MYO9A: variants seen among roughly 807,000 people sequenced by gnomAD.
MYO9A encodes the protein unconventional myosin-IXa.
In MYO9A, 103 loss-of-function variants were observed where a neutral mutation model predicts 293.3. The ratio of observed to expected loss-of-function variants is 0.35; its 90% CI spans 0.30 to 0.41. The LOEUF is 0.41. Among genes scored for constraint, MYO9A ranks in the 10% least tolerant of loss-of-function variants. The probability of loss-of-function intolerance (pLI) is 1.00; values close to 1 mark genes in which losing one functional copy is unlikely to be tolerated. For synonymous variants in MYO9A, 1,001 were observed against 1,035.7 expected (o/e 0.97, Z 0.64); for missense variants, 2,685 against 3,033.0 (o/e 0.89, Z 2.69).
intron 11 of MYO9A, among the ~76,000 whole-genome samples, chr15:71,979,153 T>A (rs1043102129): frequency 6.6e-6 from 1 of 152,152 alleles, no homozygotes; most frequent in Non-Finnish European, 1.5e-5. Context: ...TGAAATTCCA[T>A]CATTCTTTCT....
intron 19 of MYO9A, among the ~76,000 whole-genome samples, chr15:71,907,122 T>G (rs868443610): frequency 6.9e-5 from 9 of 130,370 alleles, no homozygotes; most frequent in Non-Finnish European, 1.3e-4. Context: ...GTCCCCAGAC[T>G]GTGATGTTCC....
At chr15:71,979,305 A>G (rs1204637790) in intron 11 of MYO9A, among the ~76,000 whole-genome samples, 1 of 152,092 alleles carries the variant, frequency 6.6e-6, no homozygotes, top group Non-Finnish European at 1.5e-5. Context: ...TCACTCCCCA[A>G]TGGCAGTAAG....
At chr15:71,962,958 A>C (rs1053396506) in intron 13 of MYO9A, among the ~76,000 whole-genome samples, 3 of 152,170 alleles carry the variant, frequency 2.0e-5, no homozygotes, top group Non-Finnish European at 4.4e-5. Context: ...ATCTCTCTCT[A>C]GTTTCCACAA....
chr15:72,021,100 A>G, intron 4 of MYO9A, 83 bp from the exon 5 acceptor site: 1 of 778,476 alleles, frequency 1.3e-6, no homozygotes, highest in Non-Finnish European at 2.0e-6. Flanking sequence ...AGCAAACAGT[A>G]ATTAGTAAAA....
chr15:71,903,820 AG>A, intron 21 of MYO9A, 108 bp downstream of exon 21: 3 of 928,474 alleles, frequency 3.2e-6, no homozygotes, highest in Non-Finnish European at 4.9e-6. Context: ...TGAAATGGAA[AG>A]GAAGAATTAA....
chr15:72,042,609 T>C (rs1402041476), intron 2 of MYO9A, among the ~76,000 whole-genome samples: 1 of 151,336 alleles, frequency 6.6e-6, no homozygotes, highest in East Asian at 1.9e-4. Flanking sequence ...GAGACAAGGA[T>C]GTTGCTTTCA....
chr15:71,966,913 C>A (rs1258499488), intron 13 of MYO9A, among the ~76,000 whole-genome samples: 1 of 152,118 alleles, frequency 6.6e-6, no homozygotes, highest in East Asian at 1.9e-4. Context: ...TAAATAATAA[C>A]CCCCTGTCTA....
intron 14 of MYO9A, chr15:71,959,483 T>G (rs1444523754): frequency 5.7e-6 from 1 of 174,778 alleles, no homozygotes; most frequent in Non-Finnish European, 1.2e-5. Context: ...AACAATAGTT[T>G]GGTTTCCAGT....
chr15:71,985,917 A>G (rs1330849830), intron 11 of MYO9A, among the ~76,000 whole-genome samples: 1 of 152,224 alleles, frequency 6.6e-6, no homozygotes, highest in East Asian at 1.9e-4. Context: ...TAAATTTTCT[A>G]TCTTCTATGC....
intron 1 of MYO9A, among the ~76,000 whole-genome samples, chr15:72,079,926 T>C (rs1448602153): frequency 1.3e-5 from 2 of 152,182 alleles, no homozygotes; most frequent in African/African-American, 4.8e-5. Context: ...AAAAAAGTAT[T>C]TAAAAGTTTA....
In MYO9A at chr15:72,027,599, G is replaced by A; in HGVS notation, c.998+132C>T. ...AAACTGCAAAGTTCTGCCCATGACA[G>A]AAATAGCAATTATGCATAAAGCTAT... On this transcript the variant is annotated intron_variant, in intron 4 of 41. Transcript: ENST00000356056. The A allele has an allele frequency of 4.5e-6, 3 of 667,964 alleles. No individual in the cohort carries two copies. The East Asian group carries it at 8.4e-5, about 19-fold the overall frequency. 41.4% of individuals were successfully genotyped at this position (667,964 alleles called of 1,614,324 possible). A position where few individuals can be genotyped will look rare whatever the true frequency, so the allele number is the denominator to read the frequency against.
intron 1 of MYO9A, among the ~76,000 whole-genome samples, chr15:72,099,044 C>T (rs534315827): frequency 6.6e-6 from 1 of 152,144 alleles, no homozygotes; most frequent in Non-Finnish European, 1.5e-5. Flanking sequence ...ACCTGTAATT[C>T]CAATACTGGG....
chr15:72,017,177 T>C (rs562275336), intron 6 of MYO9A, among the ~76,000 whole-genome samples: 1 of 152,128 alleles, frequency 6.6e-6, no homozygotes, highest in South Asian at 2.1e-4. Flanking sequence ...TGTATCACTA[T>C]ACCTGGCTTA....
At chr15:72,011,716 A>G (rs944338646) in intron 6 of MYO9A, among the ~76,000 whole-genome samples, 1 of 152,238 alleles carries the variant, frequency 6.6e-6, no homozygotes, top group African/African-American at 2.4e-5. Flanking sequence ...CTTCAAAACA[A>G]TAAGTGAGTC....
At chr15:71,957,641 A>C (rs1054029544) in intron 14 of MYO9A, among the ~76,000 whole-genome samples, 1 of 152,042 alleles carries the variant, frequency 6.6e-6, no homozygotes, top group Non-Finnish European at 1.5e-5. Flanking sequence ...CGCTTCTCCC[A>C]CTTACATAAA....
chr15:71,947,816 C>T (rs1465592084), intron 15 of MYO9A, among the ~76,000 whole-genome samples: 1 of 152,186 alleles, frequency 6.6e-6, no homozygotes, highest in African/African-American at 2.4e-5. Flanking sequence ...CCAAACAGGA[C>T]TGAAGGCCAA....
At chr15:72,027,403 T>C (rs906224313) in intron 4 of MYO9A, among the ~76,000 whole-genome samples, 41 of 152,330 alleles carry the variant, frequency 2.7e-4, no homozygotes, top group Admixed American at 1.8e-3. Flanking sequence ...AAGAGCTTTA[T>C]TGAAAATTTT....
Position 71,830,209 on chromosome 15 carries a change from C to T in MYO9A, c.6940G>A (p.Glu2314Lys), listed in dbSNP as rs1273605278. The change falls in exon 40 of 42, where the codon GAG becomes AAG. Residue 2314 changes from glutamate to lysine, a missense_variant. Coordinates refer to ENST00000356056, the MANE Select transcript of MYO9A (RefSeq NM_006901.4). ...GTGATGTCAGTCTCCATGGCTGCCTCACTAGTCAAGGTCTCCTCTGAGACA... is the reference window on the plus strand; with the variant it reads ...GTGATGTCAGTCTCCATGGCTGCCTTACTAGTCAAGGTCTCCTCTGAGACA... The part of the protein sequence containing the change: ...SDVSEETLTS[E>K]AAMETDITEQ... 1 of 1,613,988 alleles carries T rather than the reference C, an allele frequency of 6.2e-7. No individual in the cohort carries two copies. Among genetic ancestry groups the T allele is most frequent in the East Asian group, 2.2e-5 (1 of 44,882 alleles).
chr15:72,095,855 G>A lies in MYO9A; in HGVS notation c.-72+21825C>T, dbSNP rs538945081. Among the ~76,000 whole-genome samples, 14 of 150,744 alleles carry A rather than the reference G, an allele frequency of 9.3e-5. No individual in the cohort carries two copies. In the East Asian group the frequency reaches 1.4e-3, roughly 15 times the overall value. On this transcript the variant is annotated intron_variant, in intron 1 of 41. Transcript: ENST00000356056. ...AGCACTTTGGGAGGCTGAGGCAAGC[G>A]GATCATCTGAGGTCAGGAGTTCAAG... is the stretch of plus-strand genomic sequence containing the variant.
Sources: gnomAD v4.1 joint callset for allele counts (sites outside exome capture counted in the v4.1 genomes callset) on GRCh38, gnomAD v4.1.1 for gene constraint, MANE v1.5 for transcripts, NCBI Gene and HGNC (gene_info 2026-07-23, HGNC 2026-07-21) for gene names.